Variants in TTC28 observed in about 807,000 individuals in gnomAD.
TTC28 encodes tetratricopeptide repeat domain 28.
In TTC28, 61 loss-of-function variants were observed where a neutral mutation model predicts 198.0. The observed-to-expected ratio is 0.31, with a 90% CI of 0.25 to 0.38. The LOEUF is 0.38. Among genes scored for constraint, TTC28 ranks in the 10% least tolerant of loss-of-function variants. The pLI is 1.00. For synonymous variants in TTC28, 1,171 were observed against 1,297.8 expected, an observed-to-expected ratio of 0.90 and a Z score of 2.10; for missense variants, 2,678 against 3,164.0, an observed-to-expected ratio of 0.85 and a Z score of 3.69.
intron 5 of TTC28, among the ~76,000 whole-genome samples, chr22:28,270,841 C>T (rs1326847995): frequency 6.6e-6 from 1 of 152,030 alleles, no homozygotes; most frequent in East Asian, 1.9e-4. Flanking sequence ...TGAGACCAGC[C>T]TGGGCAACAT....
At chr22:28,333,372 A>T (rs1375422608) in intron 2 of TTC28, among the ~76,000 whole-genome samples, 1 of 152,152 alleles carries the variant, frequency 6.6e-6, no homozygotes, top group African/African-American at 2.4e-5. Context: ...ATAACTTAGT[A>T]TACAGATATC....
At chr22:28,146,282 G>T (rs187653513) in intron 6 of TTC28, among the ~76,000 whole-genome samples, 4 of 152,202 alleles carry the variant, frequency 2.6e-5, no homozygotes, top group Non-Finnish European at 4.4e-5. Context: ...GGATGTTTAC[G>T]CAGAATACCA....
intron 2 of TTC28, among the ~76,000 whole-genome samples, chr22:28,569,151 C>CAAATAAATAAAT (rs33998799): frequency 0.018 from 2,428 of 136,026 alleles, 33 homozygotes; most frequent in Middle Eastern, 0.032. Flanking sequence ...TGTTCTGTCT[C>CAAATAAATAAAT]AAATAAATAA....
chr22:28,560,427 A>G (rs182742376), intron 2 of TTC28, among the ~76,000 whole-genome samples: 1 of 152,262 alleles, frequency 6.6e-6, no homozygotes, highest in Admixed American at 6.5e-5. Flanking sequence ...TCATATTTAA[A>G]ATAAAATCCA....
At chr22:28,296,095 T>C in intron 5 of TTC28, 103 bp downstream of exon 5, 2 of 1,232,808 alleles carry the variant, frequency 1.6e-6, no homozygotes, top group Non-Finnish European at 2.2e-6. Flanking sequence ...CTTCTGAAAG[T>C]AATATTTTAA....
At chr22:28,157,626 T>C (rs915192315) in intron 6 of TTC28, among the ~76,000 whole-genome samples, 3 of 152,140 alleles carry the variant, frequency 2.0e-5, no homozygotes, top group African/African-American at 7.2e-5. Flanking sequence ...GATGGTTCAA[T>C]AAATACAAAT....
At chr22:28,337,737 T>C (rs1353587170) in intron 2 of TTC28, among the ~76,000 whole-genome samples, 14 of 152,204 alleles carry the variant, frequency 9.2e-5, no homozygotes, top group South Asian at 2.1e-4. Context: ...TGTGTGTCTC[T>C]GCACGTGAGA....
chr22:28,654,408 A>T (rs1158216711), intron 1 of TTC28, among the ~76,000 whole-genome samples: 2 of 152,060 alleles, frequency 1.3e-5, no homozygotes, highest in Non-Finnish European at 2.9e-5. Flanking sequence ...GCTCACTGCA[A>T]CCTCTGCCTC....
intron 12 of TTC28, among the ~76,000 whole-genome samples, chr22:28,045,603 AT>A (rs1159201444): frequency 6.6e-6 from 1 of 152,192 alleles, no homozygotes; most frequent in African/African-American, 2.4e-5. Flanking sequence ...TCTTTTTTGA[AT>A]TCTGTGAATG....
At chr22:28,209,516 C>T (rs1273579688) in intron 5 of TTC28, among the ~76,000 whole-genome samples, 3 of 152,174 alleles carry the variant, frequency 2.0e-5, no homozygotes, top group Non-Finnish European at 4.4e-5. Context: ...GAGGGTCCCA[C>T]GCCCACTGAG....
intron 2 of TTC28, among the ~76,000 whole-genome samples, chr22:28,490,562 T>C (rs1356835487): frequency 6.6e-6 from 1 of 152,176 alleles, no homozygotes; most frequent in African/African-American, 2.4e-5. Context: ...TACTGGTGGA[T>C]AGAACTAAAG....
chr22:28,628,701 A>G (rs1323869057), intron 2 of TTC28, among the ~76,000 whole-genome samples: 1 of 152,138 alleles, frequency 6.6e-6, no homozygotes, highest in East Asian at 1.9e-4. Flanking sequence ...GCACTTCGGG[A>G]GACCGAGGCA....
At chr22:28,584,972 T>TA (rs5844815) in intron 2 of TTC28, among the ~76,000 whole-genome samples, 41,272 of 152,016 alleles carry the variant, frequency 0.27, 6,997 homozygotes, top group Middle Eastern at 0.41. Context: ...TGACTACAAA[T>TA]ATAGACTATT....
intron 6 of TTC28, among the ~76,000 whole-genome samples, chr22:28,133,293 G>A (rs135637): frequency 0.023 from 3,486 of 152,248 alleles, 40 homozygotes; most frequent in Non-Finnish European, 0.03. Flanking sequence ...ACCTCCCAGC[G>A]TGAGCAACAC....
At chr22:27,989,198 T>C (rs1937312705) in intron 21 of TTC28, among the ~76,000 whole-genome samples, 2 of 151,708 alleles carry the variant, frequency 1.3e-5, no homozygotes, top group South Asian at 2.1e-4. Flanking sequence ...AAAAGGGAAA[T>C]CGAGTGTCCT....
chr22:28,184,853 A>T (rs1924044816), intron 5 of TTC28, among the ~76,000 whole-genome samples: 1 of 152,144 alleles, frequency 6.6e-6, no homozygotes, highest in Admixed American at 6.5e-5. Flanking sequence ...TATTTAACAT[A>T]ATAAGAAAAG....
intron 5 of TTC28, among the ~76,000 whole-genome samples, chr22:28,169,685 G>A (rs906720628): frequency 1.4e-4 from 21 of 152,064 alleles, no homozygotes; most frequent in Admixed American, 1.0e-3. Context: ...TGTGGGGAGC[G>A]GGGAGGGATA....
chr22:28,629,809 T>C lies in TTC28; in HGVS notation c.124A>G (p.Thr42Ala), dbSNP rs773807737. The C allele has an allele frequency of 3.0e-5, 47 of 1,551,056 alleles. No homozygotes were observed. The African/African-American group carries it at 6.0e-4, about 20-fold the overall frequency. The change falls in exon 2 of 23, where the codon ACT becomes GCT. Residue 42 changes from threonine to alanine, a missense_variant. Physicochemically the swap from Thr to Ala is moderately conservative, Grantham distance 58. Coordinates refer to ENST00000397906, the MANE Select transcript of TTC28 (RefSeq NM_001145418.2). ...CCATCAGGACTTCTCTGGCCAATAG[T>C]GTCAGCACCAAAGAGAGGAATCTAC... ...SAPIPLFGAD[T>A]IGQRSPDGPV...
chr22:28,072,237 C>T (rs777318769), intron 12 of TTC28, among the ~76,000 whole-genome samples: 4 of 152,116 alleles, frequency 2.6e-5, no homozygotes, highest in Non-Finnish European at 5.9e-5. Context: ...CTATGTTGAC[C>T]GTGTGTGCCA....
Sources: allele counts gnomAD v4.1 joint callset (sites outside exome capture counted in the v4.1 genomes callset), GRCh38; gene constraint gnomAD v4.1.1; transcripts MANE v1.5; gene names NCBI Gene and HGNC (gene_info 2026-07-23, HGNC 2026-07-21).